Variants in CLIC4 observed in about 807,000 individuals in gnomAD.
CLIC4 encodes the protein CLIC family member 4, also known as chloride intracellular channel protein 4.
Under a neutral mutation model 24.6 loss-of-function variants are expected in CLIC4, and 13 were observed. That is an observed-to-expected ratio of 0.53 (90% confidence interval 0.34 to 0.84). CLIC4 has a LOEUF of 0.84. Among genes scored for constraint, CLIC4 ranks in the 40% least tolerant of loss-of-function variants. The probability of loss-of-function intolerance (pLI) is 0.01; values close to 1 mark genes in which losing one functional copy is unlikely to be tolerated. For synonymous variants in CLIC4, 104 were observed against 111.3 expected (o/e 0.93, Z 0.41); for missense variants, 227 against 301.7 (o/e 0.75, Z 1.83).
chr1:24,812,915 C>T (rs1639629149), intron 2 of CLIC4, among the ~76,000 whole-genome samples: 1 of 152,010 alleles, frequency 6.6e-6, no homozygotes, highest in Non-Finnish European at 1.5e-5. Flanking sequence ...GACGGAGTTT[C>T]ACCATGTTGG....
chr1:24,839,305 G>A (rs1639915337), intron 4 of CLIC4, among the ~76,000 whole-genome samples: 1 of 152,042 alleles, frequency 6.6e-6, no homozygotes, highest in African/African-American at 2.4e-5. Context: ...TTAGTTGTTA[G>A]CAAGTTTTTT....
Position 24,797,747 on chromosome 1 carries a change from C to A in CLIC4, c.78C>A (p.Gly26=). 1 of 1,606,628 alleles carries A rather than the reference C, an allele frequency of 6.2e-7. No homozygotes were observed. The highest frequency in any genetic ancestry group is 8.5e-7 in the Non-Finnish European group (1 of 1,176,650). Residue 26 remains glycine (G), a synonymous_variant, in exon 2 of 6, where the codon GGC becomes GGA. Transcript: ENST00000374379. ...TGTTTAATTCTGTTTTCCAGGCTGG[C>A]AGTGATGGTGAAAGCATAGGAAACT... ...EPLIELFVKA[G]SDGESIGNCP...
chr1:24,780,560 A>G (rs949557704), intron 1 of CLIC4, among the ~76,000 whole-genome samples: 3 of 152,176 alleles, frequency 2.0e-5, no homozygotes, highest in African/African-American at 7.2e-5. Flanking sequence ...GAGGTCTTCC[A>G]TGGTCATCTC....
chr1:24,832,000 C>T (rs537441279), intron 4 of CLIC4, among the ~76,000 whole-genome samples: 1 of 152,218 alleles, frequency 6.6e-6, no homozygotes, highest in Admixed American at 6.5e-5. Flanking sequence ...TGAGATTCTG[C>T]TCTCTCCTTT....
At chr1:24,839,790 C>G in intron 4 of CLIC4, 70 bp from the exon 5 acceptor site, 1 of 1,335,390 alleles carries the variant, frequency 7.5e-7, no homozygotes, top group Non-Finnish European at 1.0e-6. Flanking sequence ...CTCAAAGAGT[C>G]TGCTTCTCCT....
chr1:24,823,136 C>T (rs531532211), intron 3 of CLIC4, among the ~76,000 whole-genome samples: 1 of 152,154 alleles, frequency 6.6e-6, no homozygotes, highest in African/African-American at 2.4e-5. Context: ...TGAACACTTC[C>T]TGATTTAATC....
chr1:24,797,524 C>T (rs1464686702), intron 1 of CLIC4, among the ~76,000 whole-genome samples: 1 of 143,764 alleles, frequency 7.0e-6, no homozygotes, highest in Non-Finnish European at 1.5e-5. Context: ...CACTGCACTC[C>T]AGCCTGGGTG....
At chr1:24,795,313 T>C (rs1639385289) in intron 1 of CLIC4, among the ~76,000 whole-genome samples, 1 of 152,198 alleles carries the variant, frequency 6.6e-6, no homozygotes, top group South Asian at 2.1e-4. Context: ...AGAAATAGGT[T>C]ATTATAAATA....
In CLIC4 at chr1:24,753,421, T is replaced by G. The variant is rs529283545; in HGVS notation, c.72+7796T>G. ...TACAAGATGGTCCATGCTTAAAGAGTCAAGTGGGGCTCACATTAAGTAGGG... is the reference window on the plus strand; with the variant it reads ...TACAAGATGGTCCATGCTTAAAGAGGCAAGTGGGGCTCACATTAAGTAGGG... On this transcript the variant is annotated intron_variant, in intron 1 of 5. Transcript: ENST00000374379. Among the ~76,000 whole-genome samples, 5 of 152,122 alleles carry G rather than the reference T, an allele frequency of 3.3e-5. No homozygotes were observed. In the South Asian group the frequency reaches 1.0e-3, roughly 32 times the overall value.
At chr1:24,800,322 C>G (rs1248139059) in intron 2 of CLIC4, among the ~76,000 whole-genome samples, 3 of 112,530 alleles carry the variant, frequency 2.7e-5, no homozygotes, top group African/African-American at 1.1e-4. Context: ...GCCCGGCCAG[C>G]CGCCCCGTCC....
intron 1 of CLIC4, among the ~76,000 whole-genome samples, chr1:24,761,579 G>A (rs770531497): frequency 6.6e-6 from 1 of 152,202 alleles, no homozygotes; most frequent in Non-Finnish European, 1.5e-5. Context: ...GGCCTTGTAT[G>A]TCATGTGAAT....
intron 1 of CLIC4, among the ~76,000 whole-genome samples, chr1:24,788,098 T>A (rs1300237481): frequency 6.6e-6 from 1 of 152,072 alleles, no homozygotes; most frequent in African/African-American, 2.4e-5. Context: ...GTGATCTGCC[T>A]GCCTCGGCCT....
In CLIC4 at chr1:24,842,919, T is replaced by C. The variant is rs1639957413; in HGVS notation, c.*1982T>C. 6.6e-6 allele frequency: 1 copy of C among 152,118 alleles called. No homozygotes were observed. 9.4% of individuals were successfully genotyped at this position (152,118 alleles called of 1,614,324 possible). A position where few individuals can be genotyped will look rare whatever the true frequency, so the allele number is the denominator to read the frequency against. On this transcript the variant is annotated 3_prime_UTR_variant, in exon 6 of 6. Coordinates refer to ENST00000374379, the MANE Select transcript of CLIC4 (RefSeq NM_013943.3). ...CTGAACCTTGCCTCATAGCTTAAAG[T>C]ATAAAAAAGATTCAAGAGCAGTGAG...
intron 1 of CLIC4, among the ~76,000 whole-genome samples, chr1:24,764,448 T>C (rs1369115476): frequency 2.6e-5 from 4 of 151,580 alleles, no homozygotes; most frequent in Non-Finnish European, 4.4e-5. Flanking sequence ...GGCAGGTGGA[T>C]TGCATGACCA....
At chr1:24,753,413 T>G (rs1571227630) in intron 1 of CLIC4, among the ~76,000 whole-genome samples, 1 of 152,330 alleles carries the variant, frequency 6.6e-6, no homozygotes, top group Middle Eastern at 3.4e-3. Context: ...TGGTCCATGC[T>G]TAAAGAGTCA....
intron 1 of CLIC4, among the ~76,000 whole-genome samples, chr1:24,774,866 T>A (rs952830613): frequency 6.6e-6 from 1 of 152,104 alleles, no homozygotes; most frequent in Non-Finnish European, 1.5e-5. Flanking sequence ...AGGTCAGGAA[T>A]TCAAGACCAG....
At chr1:24,775,224 C>CTTTCTTTTTTT (rs1639119913) in intron 1 of CLIC4, among the ~76,000 whole-genome samples, 6 of 90,654 alleles carry the variant, frequency 6.6e-5, no homozygotes, top group Admixed American at 2.7e-4. Flanking sequence ...TTCTTTCTTT[C>CTTTCTTTTTTT]TTTTTTTTTT....
At chr1:24,810,856 T>C (rs1033031633) in intron 2 of CLIC4, among the ~76,000 whole-genome samples, 5 of 151,416 alleles carry the variant, frequency 3.3e-5, no homozygotes, top group African/African-American at 9.7e-5. Context: ...GAGGCCGAGG[T>C]GGGCGGATCA....
chr1:24,813,980 G>A lies in CLIC4; in HGVS notation c.183-114G>A, dbSNP rs1639643345. 3.2e-6 allele frequency: 4 copies of A among 1,231,052 alleles called. No individual in the cohort carries two copies. In the African/African-American group the frequency reaches 6.0e-5, roughly 19 times the overall value. 76.3% of individuals were successfully genotyped at this position (1,231,052 alleles called of 1,614,324 possible). The stretch of plus-strand genomic sequence containing the variant: ...CAGTGTCCCACCTCAGCCTCCTGTA[G>A]TGCTACGACTACAGACGCAAGCCAC... On this transcript the variant is annotated intron_variant, in intron 2 of 5. Transcript: ENST00000374379.
Sources: allele counts gnomAD v4.1 joint callset (sites outside exome capture counted in the v4.1 genomes callset), GRCh38; gene constraint gnomAD v4.1.1; transcripts MANE v1.5; gene names NCBI Gene and HGNC (gene_info 2026-07-23, HGNC 2026-07-21).